Variants in TACR1 observed in about 807,000 individuals in gnomAD.
TACR1 encodes the protein tachykinin receptor 1, also known as substance-P receptor.
In TACR1, 25 loss-of-function variants were observed where a neutral mutation model predicts 35.8. The ratio of observed to expected loss-of-function variants is 0.70; its 90% CI spans 0.51 to 0.98. The LOEUF is 0.98. Ranked by LOEUF, TACR1 falls within the 50% of genes least tolerant of loss-of-function variation. TACR1 has a pLI of 0.00. For missense variants in TACR1, 478 were observed against 522.9 expected, an observed-to-expected ratio of 0.91 and a Z score of 0.84; for synonymous variants, 195 against 206.7, an observed-to-expected ratio of 0.94 and a Z score of 0.48.
At chr2:75,150,450 T>C (rs1220730329) in intron 1 of TACR1, among the ~76,000 whole-genome samples, 1 of 152,166 alleles carries the variant, frequency 6.6e-6, no homozygotes, top group Non-Finnish European at 1.5e-5. Context: ...CTTGTGATAG[T>C]GAATGAGTCT....
At chr2:75,083,086 G>T (rs896792752) in intron 2 of TACR1, among the ~76,000 whole-genome samples, 9 of 151,842 alleles carry the variant, frequency 5.9e-5, no homozygotes, top group African/African-American at 9.7e-5. Flanking sequence ...TTAATCCATC[G>T]TGAATTAATT....
At chr2:75,179,826 A>G (rs72920673) in intron 1 of TACR1, among the ~76,000 whole-genome samples, 6,092 of 152,278 alleles carry the variant, frequency 0.04, 437 homozygotes, top group African/African-American at 0.14. Context: ...CAGGACAGAA[A>G]TTGTGCCTAC....
At position 75,091,425 on chromosome 2, in the gene TACR1, A is replaced by G. The variant is rs538472797; in HGVS notation, c.584+29149T>C. Among the ~76,000 whole-genome samples the G allele has an allele frequency of 1.9e-3, 289 of 152,216 alleles. 1 individual carries two copies. The highest frequency in any genetic ancestry group is 2.8e-3 in the Non-Finnish European group (188 of 68,010). On this transcript the variant is annotated intron_variant, in intron 2 of 4. Transcript: ENST00000305249. The stretch of plus-strand genomic sequence containing the variant: ...GGTTCATGACCAATAATAACATGAC[A>G]TTTCTCATTCACAAGGGCCTGGTAG...
chr2:75,049,937 T>G (rs1481772200), intron 4 of TACR1, among the ~76,000 whole-genome samples: 3 of 148,354 alleles, frequency 2.0e-5, no homozygotes, highest in Admixed American at 2.0e-4. Context: ...AATCCAACAC[T>G]GGAACAATCT....
intron 1 of TACR1, among the ~76,000 whole-genome samples, chr2:75,171,538 T>G (rs992659122): frequency 8.6e-5 from 13 of 151,792 alleles, no homozygotes; most frequent in African/African-American, 3.1e-4. Context: ...GACCCCAGAG[T>G]AGATCCACCG....
chr2:75,081,272 C>A (rs553573325), intron 2 of TACR1, among the ~76,000 whole-genome samples: 1 of 152,278 alleles, frequency 6.6e-6, no homozygotes, highest in East Asian at 1.9e-4. Context: ...CCAGGCCTAC[C>A]TTTATATGAA....
intron 1 of TACR1, among the ~76,000 whole-genome samples, chr2:75,136,607 C>T (rs1022447950): frequency 6.6e-6 from 1 of 152,182 alleles, no homozygotes; most frequent in African/African-American, 2.4e-5. Flanking sequence ...GTGATTCCTG[C>T]CTCATCTTAC....
chr2:75,060,645 T>C (rs1227405881), intron 2 of TACR1, among the ~76,000 whole-genome samples: 2 of 152,182 alleles, frequency 1.3e-5, no homozygotes, highest in Admixed American at 6.5e-5. Flanking sequence ...TGATTTATTT[T>C]GAAGTTGGTG....
intron 2 of TACR1, among the ~76,000 whole-genome samples, chr2:75,112,880 A>G (rs1673778146): frequency 1.3e-5 from 2 of 152,166 alleles, no homozygotes; most frequent in Admixed American, 6.5e-5. Flanking sequence ...TTACTGTTTC[A>G]ATATAATTTT....
intron 2 of TACR1, among the ~76,000 whole-genome samples, chr2:75,077,455 G>C (rs1464047666): frequency 6.6e-6 from 1 of 152,158 alleles, no homozygotes; most frequent in Non-Finnish European, 1.5e-5. Context: ...ATTCCTGTAA[G>C]GTAGACTCTT....
chr2:75,149,866 A>G (rs145529419), intron 1 of TACR1, among the ~76,000 whole-genome samples: 1 of 152,248 alleles, frequency 6.6e-6, no homozygotes, highest in African/African-American at 2.4e-5. Context: ...GTATGATATT[A>G]GCTGTGGGTG....
chr2:75,175,823 G>T (rs1175223889), intron 1 of TACR1, among the ~76,000 whole-genome samples: 3 of 152,118 alleles, frequency 2.0e-5, no homozygotes, highest in African/African-American at 7.2e-5. Flanking sequence ...ACATCCTTGG[G>T]AAGGCATTAT....
intron 2 of TACR1, among the ~76,000 whole-genome samples, chr2:75,074,124 G>A (rs962218689): frequency 3.9e-5 from 6 of 152,026 alleles, no homozygotes; most frequent in Non-Finnish European, 8.8e-5. Context: ...TACTATTTAC[G>A]AAATGGAAAT....
At chr2:75,135,906 T>C (rs1674278786) in intron 1 of TACR1, among the ~76,000 whole-genome samples, 1 of 152,076 alleles carries the variant, frequency 6.6e-6, no homozygotes, top group African/African-American at 2.4e-5. Context: ...TCCCCTATAT[T>C]CTCCCCTCTC....
intron 2 of TACR1, among the ~76,000 whole-genome samples, chr2:75,080,545 A>C (rs1189108605): frequency 6.6e-6 from 1 of 152,214 alleles, no homozygotes; most frequent in Non-Finnish European, 1.5e-5. Flanking sequence ...AGCATTATTA[A>C]CTGGCTTAGG....
At chr2:75,060,592 G>A (rs1009803731) in intron 2 of TACR1, among the ~76,000 whole-genome samples, 1 of 152,216 alleles carries the variant, frequency 6.6e-6, no homozygotes, top group African/African-American at 2.4e-5. Flanking sequence ...AAGGAAGACA[G>A]AAGCAAATCA....
intron 1 of TACR1, among the ~76,000 whole-genome samples, chr2:75,129,599 C>T (rs895083195): frequency 2.6e-5 from 4 of 152,174 alleles, no homozygotes; most frequent in African/African-American, 9.7e-5. Context: ...CACTGTACCT[C>T]ACAACTATGT....
intron 2 of TACR1, among the ~76,000 whole-genome samples, chr2:75,094,857 ATATTT>A (rs954746435): frequency 7.7e-5 from 7 of 91,132 alleles, no homozygotes; most frequent in African/African-American, 4.3e-4. Flanking sequence ...ATATATATAT[ATATTT>A]TTTTTTTTTT....
At chr2:75,055,855 G>T (rs1414466175) in intron 2 of TACR1, among the ~76,000 whole-genome samples, 1 of 152,176 alleles carries the variant, frequency 6.6e-6, no homozygotes, top group East Asian at 1.9e-4. Context: ...GTGGGCCTGA[G>T]AATTTGCATT....
Sources: allele counts gnomAD v4.1 joint callset (sites outside exome capture counted in the v4.1 genomes callset), GRCh38; gene constraint gnomAD v4.1.1; transcripts MANE v1.5; gene names NCBI Gene and HGNC (gene_info 2026-07-23, HGNC 2026-07-21).